Variants in GNAL observed in about 807,000 individuals in gnomAD.
The protein encoded by GNAL is guanine nucleotide-binding protein G(olf) subunit alpha.
GNAL carries 18 observed loss-of-function variants against 55.1 expected under a neutral mutation model. That is an observed-to-expected ratio of 0.33 (90% CI 0.23 to 0.48). The LOEUF (loss-of-function observed/expected upper bound fraction) is 0.48, where lower values mean the gene tolerates loss of function less well. Among genes scored for constraint, GNAL ranks in the 20% least tolerant of loss-of-function variants. The probability of loss-of-function intolerance (pLI) is 0.99; values close to 1 mark genes in which losing one functional copy is unlikely to be tolerated. For synonymous variants in GNAL, 253 were observed against 237.0 expected (o/e 1.07, Z -0.62); for missense variants, 412 against 614.1 (o/e 0.67, Z 3.48).
chr18:11,694,562 T>C (rs1434702907), intron 1 of GNAL, among the ~76,000 whole-genome samples: 1 of 152,172 alleles, frequency 6.6e-6, no homozygotes, highest in East Asian at 1.9e-4. Context: ...TAGAAGGCAG[T>C]GGTCAAGACA....
In GNAL at chr18:11,747,054, A is replaced by G. The variant is rs562229965; in HGVS notation, c.377-5799A>G. ...CTTATGCAGGGTTATGTATATTTTC[A>G]TGAGGCCGAGGAGAGAGAGGCCTCT... On this transcript the variant is annotated intron_variant, in intron 1 of 11. Transcript: ENST00000334049. 97 of 454,932 alleles carry G rather than the reference A, an allele frequency of 2.1e-4. 1 individual carries two copies. The highest frequency in any genetic ancestry group is 3.4e-4 in the Non-Finnish European group (76 of 226,730). The allele number at this position is 454,932 out of a possible 1,614,324, so 28.2% of individuals were successfully genotyped here.
intron 1 of GNAL, among the ~76,000 whole-genome samples, chr18:11,729,557 C>T (rs150030223): frequency 1.3e-4 from 20 of 152,248 alleles, no homozygotes; most frequent in Non-Finnish European, 2.6e-4. Context: ...TTATTATGTA[C>T]TTCCTTCATA....
chr18:11,737,702 G>A (rs2032488958), intron 1 of GNAL, among the ~76,000 whole-genome samples: 1 of 152,218 alleles, frequency 6.6e-6, no homozygotes, highest in Admixed American at 6.5e-5. Context: ...GTAGCCATGG[G>A]GACTGAAATC....
At chr18:11,801,868 C>T (rs190300074) in intron 4 of GNAL, among the ~76,000 whole-genome samples, 176 of 152,196 alleles carry the variant, frequency 1.2e-3, no homozygotes, top group African/African-American at 4.0e-3. Context: ...GTCAGGAGTT[C>T]GAGCCTGGCC....
chr18:11,772,715 C>T lies in GNAL; in HGVS notation c.624+18770C>T, dbSNP rs563708960. 9.2e-5 allele frequency among the ~76,000 whole-genome samples: 14 copies of T among 152,316 alleles called. No homozygotes were observed. In the East Asian group the frequency reaches 2.3e-3, roughly 25 times the overall value. On this transcript the variant is annotated intron_variant, in intron 4 of 11. Coordinates refer to ENST00000334049, the MANE Select transcript of GNAL (RefSeq NM_182978.4). The stretch of plus-strand genomic sequence containing the variant: ...AGAACCGAGTCTCCCGATTCCTCAT[C>T]CAGTTCTCTTCTTGTCGCTTCCATT...
intron 1 of GNAL, among the ~76,000 whole-genome samples, chr18:11,716,676 C>T (rs922936966): frequency 6.6e-6 from 1 of 152,186 alleles, no homozygotes; most frequent in South Asian, 2.1e-4. Context: ...AGTGTCCACA[C>T]GAAGGTTCTC....
chr18:11,804,978 G>A (rs1299618094), intron 4 of GNAL, among the ~76,000 whole-genome samples: 1 of 150,068 alleles, frequency 6.7e-6, no homozygotes. Flanking sequence ...AGTGGAACAT[G>A]GAGATACTGT....
intron 1 of GNAL, among the ~76,000 whole-genome samples, chr18:11,696,419 G>A (rs1481807073): frequency 1.3e-5 from 2 of 151,828 alleles, no homozygotes; most frequent in Admixed American, 1.3e-4. Context: ...GCAGGAGAAT[G>A]GCGTGAACCC....
chr18:11,722,983 C>T (rs2032130979), intron 1 of GNAL, among the ~76,000 whole-genome samples: 1 of 142,548 alleles, frequency 7.0e-6, no homozygotes, highest in Non-Finnish European at 1.5e-5. Flanking sequence ...TGCACTCCAG[C>T]CTGGGCAACA....
chr18:11,799,124 A>G (rs2034459005), intron 4 of GNAL, among the ~76,000 whole-genome samples: 1 of 152,196 alleles, frequency 6.6e-6, no homozygotes, highest in South Asian at 2.1e-4. Context: ...AAAAAAAAAA[A>G]AAAGTTAAAT....
chr18:11,700,279 G>A (rs1052899191), intron 1 of GNAL, among the ~76,000 whole-genome samples: 4 of 152,208 alleles, frequency 2.6e-5, no homozygotes, highest in Non-Finnish European at 5.9e-5. Context: ...GAATAAAAAA[G>A]CATCATTTAA....
intron 4 of GNAL, among the ~76,000 whole-genome samples, chr18:11,806,926 C>G (rs1324136573): frequency 6.6e-6 from 1 of 152,048 alleles, no homozygotes; most frequent in Non-Finnish European, 1.5e-5. Context: ...CTCGGCCTCC[C>G]ACAGTGCTGG....
intron 4 of GNAL, among the ~76,000 whole-genome samples, chr18:11,799,348 T>C (rs765969587): frequency 1.3e-5 from 2 of 152,174 alleles, no homozygotes; most frequent in Non-Finnish European, 2.9e-5. Flanking sequence ...TTGAACGCCT[T>C]CCATGATATC....
intron 4 of GNAL, among the ~76,000 whole-genome samples, chr18:11,791,545 A>C (rs775090329): frequency 1.3e-4 from 20 of 152,320 alleles, no homozygotes; most frequent in Non-Finnish European, 2.9e-4. Flanking sequence ...AAGCTTTTAA[A>C]GTGGGGGAGG....
intron 5 of GNAL, among the ~76,000 whole-genome samples, chr18:11,829,245 C>T (rs1217950730): frequency 2.0e-5 from 3 of 152,200 alleles, no homozygotes; most frequent in African/African-American, 7.2e-5. Context: ...CTGGTTCCCC[C>T]TTGAGGCCTC....
At position 11,871,729 on chromosome 18, in the gene GNAL, G is replaced by A. The variant is rs968662509; in HGVS notation, c.1032-539G>A. Among the ~76,000 whole-genome samples the A allele has an allele frequency of 4.6e-5, 7 of 152,144 alleles. No homozygotes were observed. The East Asian group carries it at 5.8e-4, about 13-fold the overall frequency. On this transcript the variant is annotated intron_variant, in intron 9 of 11. Transcript: ENST00000334049. ...CTTTCACTTCTAATGTGAGTTTTCC[G>A]ACCTTTTATTGGTAAATTACACCAC...
intron 4 of GNAL, among the ~76,000 whole-genome samples, chr18:11,791,858 CT>C (rs2143439957): frequency 6.6e-6 from 1 of 152,310 alleles, no homozygotes; most frequent in South Asian, 2.1e-4. Context: ...TCCCGAGGGT[CT>C]GCACCACATC....
At chr18:11,739,465 C>T (rs2032529230) in intron 1 of GNAL, among the ~76,000 whole-genome samples, 1 of 152,138 alleles carries the variant, frequency 6.6e-6, no homozygotes, top group Admixed American at 6.5e-5. Flanking sequence ...CTCAAAATCA[C>T]TCGATTGGAT....
chr18:11,784,368 G>A (rs2034000276), intron 4 of GNAL, among the ~76,000 whole-genome samples: 1 of 152,244 alleles, frequency 6.6e-6, no homozygotes, highest in South Asian at 2.1e-4. Context: ...GGCCACAGGT[G>A]TTGCGGCAGC....
Sources: gnomAD v4.1 joint callset for allele counts (sites outside exome capture counted in the v4.1 genomes callset) on GRCh38, gnomAD v4.1.1 for gene constraint, MANE v1.5 for transcripts, NCBI Gene and HGNC (gene_info 2026-07-23, HGNC 2026-07-21) for gene names.